Variants in MRPL22 observed in about 807,000 individuals in gnomAD.
The protein encoded by MRPL22 is large ribosomal subunit protein uL22m.
MRPL22 carries 27 observed loss-of-function variants against 32.4 expected under a neutral mutation model. The ratio of observed to expected loss-of-function variants is 0.83; its 90% CI spans 0.61 to 1.15. The LOEUF (loss-of-function observed/expected upper bound fraction) is 1.15, where lower values mean the gene tolerates loss of function less well. Ranked by LOEUF, MRPL22 falls within the 50% of genes most tolerant of loss-of-function variation. MRPL22 has a pLI of 0.00. For missense variants in MRPL22, 239 were observed against 260.2 expected, an observed-to-expected ratio of 0.92 and a Z score of 0.56; for synonymous variants, 86 against 87.3, an observed-to-expected ratio of 0.99 and a Z score of 0.08.
At chr5:154,949,918 C>T (rs1238857370) in intron 2 of MRPL22, among the ~76,000 whole-genome samples, 1 of 152,162 alleles carries the variant, frequency 6.6e-6, no homozygotes, top group African/African-American at 2.4e-5. Flanking sequence ...CCTTATTTCT[C>T]AACTCTGTAC....
At chr5:154,941,697 G>A (rs551445963) in intron 2 of MRPL22, among the ~76,000 whole-genome samples, 1 of 152,200 alleles carries the variant, frequency 6.6e-6, no homozygotes, top group Non-Finnish European at 1.5e-5. Context: ...TCTACGAGTA[G>A]GTTCTGCTAT....
chr5:154,951,217 T>C (rs1764556925), intron 3 of MRPL22, among the ~76,000 whole-genome samples: 1 of 152,240 alleles, frequency 6.6e-6, no homozygotes, highest in South Asian at 2.1e-4. Flanking sequence ...GCTGATGAGC[T>C]CTTAATGATG....
At chr5:154,957,351 T>C (rs1202226249) in intron 5 of MRPL22, 139 bp downstream of exon 5, 10 of 643,760 alleles carry the variant, frequency 1.6e-5, no homozygotes, top group Non-Finnish European at 2.7e-5. Flanking sequence ...AATACAGATT[T>C]AGGGTTCTCA....
chr5:154,944,336 T>G (rs1223956261), intron 2 of MRPL22, among the ~76,000 whole-genome samples: 1 of 152,120 alleles, frequency 6.6e-6, no homozygotes, highest in East Asian at 1.9e-4. Context: ...TCAAGTGATC[T>G]TCCCACCTCA....
chr5:154,963,021 C>A (rs1226589416), intron 6 of MRPL22, among the ~76,000 whole-genome samples: 1 of 152,220 alleles, frequency 6.6e-6, no homozygotes, highest in East Asian at 1.9e-4. Context: ...TCACTGCAAC[C>A]TCTGCCTCCA....
chr5:154,965,145 T>G (rs183778293), intron 6 of MRPL22, among the ~76,000 whole-genome samples: 5 of 152,180 alleles, frequency 3.3e-5, no homozygotes, highest in African/African-American at 1.2e-4. Context: ...GCTAGGAAGC[T>G]TCTGCTGAAA....
chr5:154,941,319 G>C, intron 2 of MRPL22, 54 bp downstream of exon 2: 1 of 1,608,440 alleles, frequency 6.2e-7, no homozygotes, highest in South Asian at 1.1e-5. Context: ...TTAGTATTCT[G>C]CCAGTTGGTA....
chr5:154,950,795 T>C (rs1764549721), intron 2 of MRPL22, 26 bp from the exon 3 acceptor site: 7 of 1,494,652 alleles, frequency 4.7e-6, no homozygotes, highest in African/African-American at 4.1e-5. Flanking sequence ...GTGTCTGTTG[T>C]TTTATAGGCT....
At chr5:154,948,119 T>C (rs1180468688) in intron 2 of MRPL22, among the ~76,000 whole-genome samples, 1 of 152,160 alleles carries the variant, frequency 6.6e-6, no homozygotes, top group Non-Finnish European at 1.5e-5. Context: ...CCCAGACATA[T>C]ACAAAAGTAG....
intron 6 of MRPL22, 140 bp from the exon 7 acceptor site, chr5:154,966,546 T>C: frequency 1.3e-6 from 1 of 790,910 alleles, no homozygotes; most frequent in Non-Finnish European, 2.0e-6. Context: ...GAGATAGTTG[T>C]TTTGAGACAA....
chr5:154,953,976 G>T (rs565029904), intron 3 of MRPL22, among the ~76,000 whole-genome samples: 1 of 148,482 alleles, frequency 6.7e-6, no homozygotes, highest in Non-Finnish European at 1.5e-5. Context: ...GTGAGCCACC[G>T]CACCTGGCCT....
rs937938115 is a variant in MRPL22, at chr5:154,944,117, C to G, written c.77+2852C>G. On this transcript the variant is annotated intron_variant, in intron 2 of 6. Coordinates refer to ENST00000523037, the MANE Select transcript of MRPL22 (RefSeq NM_014180.4). The stretch of plus-strand genomic sequence containing the variant: ...GGACTACAGGTGCAGGCCGCCATAC[C>G]TGGCTAAGTTTTGTATTTTTAGTAG... 3.3e-5 allele frequency among the ~76,000 whole-genome samples: 5 copies of G among 152,206 alleles called. 1 individual carries two copies. In the South Asian group the frequency reaches 1.0e-3, roughly 32 times the overall value.
chr5:154,954,547 T>A lies in MRPL22; in HGVS notation c.196-1824T>A, dbSNP rs115488567. ...ATTTGCTTGATACGTACTGAGACTT[T>A]GTCTCGTTTATCTTTAGAAAGTGCC... On this transcript the variant is annotated intron_variant, in intron 3 of 6. Transcript: ENST00000523037. 7.9e-5 allele frequency among the ~76,000 whole-genome samples: 12 copies of A among 152,296 alleles called. No homozygotes were observed. In the South Asian group the frequency reaches 1.7e-3, roughly 21 times the overall value.
chr5:154,950,656 GT>G (rs1459005954), intron 2 of MRPL22, 164 bp from the exon 3 acceptor site: 43 of 634,004 alleles, frequency 6.8e-5, no homozygotes, highest in Non-Finnish European at 1.1e-4. Context: ...TCTCTTTGTT[GT>G]GTTTAAAAGT....
intron 6 of MRPL22, among the ~76,000 whole-genome samples, chr5:154,961,825 T>C (rs371499100): frequency 6.6e-6 from 1 of 152,130 alleles, no homozygotes; most frequent in African/African-American, 2.4e-5. Context: ...TAGCTGGGAC[T>C]AGAGGCACGT....
intron 6 of MRPL22, among the ~76,000 whole-genome samples, chr5:154,964,242 G>A (rs1226329065): frequency 6.6e-6 from 1 of 152,212 alleles, no homozygotes; most frequent in Non-Finnish European, 1.5e-5. Flanking sequence ...TGGAGCCCAG[G>A]ACAGAGCCTG....
intron 6 of MRPL22, among the ~76,000 whole-genome samples, chr5:154,961,333 G>C (rs1328400075): frequency 6.6e-6 from 1 of 152,148 alleles, no homozygotes; most frequent in Non-Finnish European, 1.5e-5. Context: ...ATGTTGGAGA[G>C]GTCTTGGAAC....
chr5:154,957,290 G>T (rs1167120201), intron 5 of MRPL22, 78 bp downstream of exon 5: 3 of 1,216,828 alleles, frequency 2.5e-6, no homozygotes, highest in South Asian at 2.5e-5. Flanking sequence ...AGTAAGCTTA[G>T]CCTAAATCAT....
At chr5:154,948,156 G>A (rs1271055580) in intron 2 of MRPL22, among the ~76,000 whole-genome samples, 2 of 152,042 alleles carry the variant, frequency 1.3e-5, no homozygotes, top group African/African-American at 4.8e-5. Context: ...CCATGTATCC[G>A]TCACCCAACT....
Sources: allele counts gnomAD v4.1 joint callset (sites outside exome capture counted in the v4.1 genomes callset), GRCh38; gene constraint gnomAD v4.1.1; transcripts MANE v1.5; gene names NCBI Gene and HGNC (gene_info 2026-07-23, HGNC 2026-07-21).